Variants in CDS1 observed in about 807,000 individuals in gnomAD.
CDS1 encodes the protein phosphatidate cytidylyltransferase 1.
In CDS1, 41 loss-of-function variants were observed where a neutral mutation model predicts 62.1. The ratio of observed to expected loss-of-function variants is 0.66; its 90% CI spans 0.51 to 0.86. The LOEUF is 0.86. CDS1 is among the 40% of genes least tolerant of loss of function. CDS1 has a pLI of 0.00. For missense variants in CDS1, 470 were observed against 550.1 expected (o/e 0.85, Z 1.46); for synonymous variants, 185 against 192.6 (o/e 0.96, Z 0.32).
Position 84,604,342 on chromosome 4 carries a change from A to C in CDS1, c.217A>C (p.Lys73Gln). 6.2e-7 allele frequency: 1 copy of C among 1,613,146 alleles called. No individual in the cohort carries two copies. Among genetic ancestry groups the C allele is most frequent in the Non-Finnish European group, 8.5e-7 (1 of 1,179,282 alleles). ...PSSDRTPEIL[K>Q]KALSGLSSRW... ...CTCAGATAGAACCCCTGAGATTCTC[A>C]AAAAAGCTCTATCTGGTTTATCTTC... Residue 73 changes from lysine (K) to glutamine (Q), a missense_variant, in exon 2 of 13, where the codon AAA (lysine) becomes CAA (glutamine). By Grantham distance (53) the Lys-to-Gln change is moderately conservative. This residue lies in a region of CDS1 where 150 missense variants were observed against 142.0 expected (regional missense o/e 1.06). Coordinates refer to ENST00000295887, the MANE Select transcript of CDS1 (RefSeq NM_001263.4).
At chr4:84,597,506 G>T (rs919886298) in intron 1 of CDS1, among the ~76,000 whole-genome samples, 1 of 152,082 alleles carries the variant, frequency 6.6e-6, no homozygotes, top group African/African-American at 2.4e-5. Context: ...CAGGTGTGGT[G>T]GCCCCACCTG....
At chr4:84,634,093 G>A (rs1371390426) in intron 7 of CDS1, among the ~76,000 whole-genome samples, 154 bp downstream of exon 7, 1 of 151,920 alleles carries the variant, frequency 6.6e-6, no homozygotes, top group South Asian at 2.1e-4. Context: ...CTTACTCTTT[G>A]ACAACTAAAG....
intron 1 of CDS1, among the ~76,000 whole-genome samples, chr4:84,594,688 T>A (rs1053952964): frequency 6.6e-6 from 1 of 152,178 alleles, no homozygotes; most frequent in Non-Finnish European, 1.5e-5. Flanking sequence ...AGTACAATGA[T>A]CATCAGCATA....
chr4:84,647,304 A>G (rs919401034), intron 12 of CDS1, among the ~76,000 whole-genome samples: 12 of 152,260 alleles, frequency 7.9e-5, no homozygotes, highest in African/African-American at 2.9e-4. Context: ...ATTAGTGGTT[A>G]AATCCTTAAA....
chr4:84,591,739 A>G (rs970991345), intron 1 of CDS1, among the ~76,000 whole-genome samples: 1 of 152,218 alleles, frequency 6.6e-6, no homozygotes, highest in Non-Finnish European at 1.5e-5. Context: ...CATGGTATTT[A>G]GAGCCAGGAT....
chr4:84,645,304 T>C lies in CDS1; in HGVS notation c.1235T>C (p.Val412Ala). Residue 412 changes from valine to alanine, a missense_variant, in exon 12 of 13, where the codon GTG (valine) becomes GCG (alanine). Val to Ala is a moderately conservative substitution (Grantham distance 64, BLOSUM62 0). Transcript: ENST00000295887. Reference sequence around the variant, plus strand: ...TATTTGATGGCAACTTTTGTACATGTGTACATCACAAGTTTTATAAGGTAC... The same window carrying C: ...TATTTGATGGCAACTTTTGTACATGCGTACATCACAAGTTTTATAAGGTAC... ...CQYLMATFVH[V>A]YITSFIRGPN... 1 of 1,601,422 alleles carries C rather than the reference T, an allele frequency of 6.2e-7. No individual in the cohort carries two copies. Among genetic ancestry groups the C allele is most frequent in the Non-Finnish European group, 8.6e-7 (1 of 1,168,798 alleles).
In CDS1 at chr4:84,649,529, C is replaced by T. The variant is rs919268515; in HGVS notation, c.*843C>T. 6.6e-6 allele frequency: 1 copy of T among 152,646 alleles called. No individual in the cohort carries two copies. Among genetic ancestry groups the T allele is most frequent in the Non-Finnish European group, 1.5e-5 (1 of 68,298 alleles). The allele number at this position is 152,646 out of a possible 1,614,324, so 9.5% of individuals were successfully genotyped here. ...TCTCTTCGTCATGTGCTTCACTTTT[C>T]CCTGTTTCCCTGTGAACTGGCTTCC... On this transcript the variant is annotated 3_prime_UTR_variant, in exon 13 of 13. Coordinates refer to ENST00000295887, the MANE Select transcript of CDS1 (RefSeq NM_001263.4).
At chr4:84,604,206 C>G in intron 1 of CDS1, 37 bp from the exon 2 acceptor site, 1 of 1,585,974 alleles carries the variant, frequency 6.3e-7, no homozygotes, top group Non-Finnish European at 8.6e-7. Context: ...CTTTTTTAAA[C>G]GTGATTTTGC....
intron 1 of CDS1, among the ~76,000 whole-genome samples, chr4:84,599,630 G>GTGTA (rs1553902487): frequency 1.3e-5 from 2 of 149,938 alleles, no homozygotes; most frequent in African/African-American, 2.4e-5. Flanking sequence ...ACGTGTGTGT[G>GTGTA]TATATATATA....
chr4:84,611,431 GC>G (rs946084253), intron 3 of CDS1, among the ~76,000 whole-genome samples: 27 of 151,790 alleles, frequency 1.8e-4, no homozygotes, highest in Non-Finnish European at 3.2e-4. Flanking sequence ...TATCCATTTT[GC>G]CAATCTCCCT....
rs186168504 is a variant in CDS1, at chr4:84,605,245, G to A, written c.245+875G>A. ...CACACAAATGTATATTTTAACTGCT[G>A]CAAAAATGTTATGAAACAATTCTTC... On this transcript the variant is annotated intron_variant, in intron 2 of 12. Coordinates refer to ENST00000295887, the MANE Select transcript of CDS1 (RefSeq NM_001263.4). Among the ~76,000 whole-genome samples the A allele has an allele frequency of 2.6e-4, 39 of 152,150 alleles. No individual in the cohort carries two copies. In the East Asian group the frequency reaches 7.5e-3, roughly 29 times the overall value.
rs1279952719 is a variant in CDS1, at chr4:84,648,778, A to G, written c.*92A>G. ...AAATTGTACAGAAAAATAGTTAAAA[A>G]TGCAATAGGTTGAAGTTTTGGAGAT... On this transcript the variant is annotated 3_prime_UTR_variant, in exon 13 of 13. Transcript: ENST00000295887. 7.0e-6 allele frequency: 9 copies of G among 1,283,724 alleles called. No homozygotes were observed. In the Admixed American group the frequency reaches 2.1e-4, roughly 31 times the overall value. The allele number at this position is 1,283,724 out of a possible 1,614,324, so 79.5% of individuals were successfully genotyped here. A position where few individuals can be genotyped will look rare whatever the true frequency, so the allele number is the denominator to read the frequency against.
At chr4:84,623,322 T>C (rs1723748249) in intron 5 of CDS1, among the ~76,000 whole-genome samples, 1 of 152,250 alleles carries the variant, frequency 6.6e-6, no homozygotes. Flanking sequence ...TTTCTAAAGA[T>C]ATCTTTAGTC....
intron 5 of CDS1, among the ~76,000 whole-genome samples, chr4:84,620,227 T>G (rs1398863085): frequency 7.1e-6 from 1 of 141,406 alleles, no homozygotes; most frequent in Admixed American, 6.9e-5. Flanking sequence ...TTGTTTTTTT[T>G]TTTTTTTTTT....
chr4:84,627,617 T>G (rs543881800), intron 5 of CDS1, among the ~76,000 whole-genome samples: 185 of 152,180 alleles, frequency 1.2e-3, no homozygotes, highest in Non-Finnish European at 2.1e-3. Flanking sequence ...TAATAAATTA[T>G]TTTTTGCTTG....
intron 12 of CDS1, among the ~76,000 whole-genome samples, chr4:84,648,284 C>G (rs1387220310): frequency 6.6e-6 from 1 of 152,092 alleles, no homozygotes; most frequent in African/African-American, 2.4e-5. Context: ...TTTGGTTGCC[C>G]TTTCAAGAGC....
rs550156863 is a variant in CDS1 at position 84,624,448 on chromosome 4, T to C, written c.580+4915T>C. Among the ~76,000 whole-genome samples, 120 of 152,124 alleles carry C rather than the reference T, an allele frequency of 7.9e-4. 3 individuals are homozygous for C. The highest frequency in any genetic ancestry group is 2.8e-4 in the Non-Finnish European group (19 of 68,020). ...ACTGTTATTCCAGAAATTGTCTGAGTATTCAAGCTTTTATGTTTATATCCC... is the reference window on the plus strand; with the variant it reads ...ACTGTTATTCCAGAAATTGTCTGAGCATTCAAGCTTTTATGTTTATATCCC... On this transcript the variant is annotated intron_variant, in intron 5 of 12. Transcript: ENST00000295887.
At chr4:84,612,558 G>C (rs921151884) in intron 3 of CDS1, among the ~76,000 whole-genome samples, 1 of 152,090 alleles carries the variant, frequency 6.6e-6, no homozygotes, top group Non-Finnish European at 1.5e-5. Flanking sequence ...TTTGGATTCT[G>C]ATTTTTTAAG....
At chr4:84,588,831 G>C (rs950375306) in intron 1 of CDS1, among the ~76,000 whole-genome samples, 8 of 152,238 alleles carry the variant, frequency 5.3e-5, no homozygotes, top group Admixed American at 2.6e-4. Flanking sequence ...GTGATCTCCA[G>C]ACCAGTGGCT....
Sources: allele counts gnomAD v4.1 joint callset (sites outside exome capture counted in the v4.1 genomes callset), GRCh38; gene constraint gnomAD v4.1.1; regional missense constraint gnomAD v4.1.1; transcripts MANE v1.5; gene names NCBI Gene and HGNC (gene_info 2026-07-23, HGNC 2026-07-21).